The following VPS13B variants were observed in gnomAD, a reference collection of about 807,000 sequenced individuals.
VPS13B encodes the protein intermembrane lipid transfer protein VPS13B.
In VPS13B, 285 loss-of-function variants were observed where a neutral mutation model predicts 426.4. The ratio of observed to expected loss-of-function variants is 0.67; its 90% CI spans 0.61 to 0.74. The LOEUF is 0.74. VPS13B is among the 30% of genes least tolerant of loss of function. The pLI is 0.00. For missense variants in VPS13B, 4,537 were observed against 4,782.6 expected (o/e 0.95, Z 1.51); for synonymous variants, 1,676 against 1,676.4 (o/e 1.00, Z 0.01).
At chr8:99,085,344 T>C (rs550298229) in intron 3 of VPS13B, among the ~76,000 whole-genome samples, 2 of 152,332 alleles carry the variant, frequency 1.3e-5, no homozygotes, top group East Asian at 3.9e-4. Context: ...AGCCTATGTG[T>C]GTCTCTGCAC....
intron 19 of VPS13B, among the ~76,000 whole-genome samples, chr8:99,355,417 C>T (rs1812129766): frequency 6.6e-6 from 1 of 152,078 alleles, no homozygotes; most frequent in African/African-American, 2.4e-5. Context: ...ATGGTGAAAC[C>T]CCGTCTCTAC....
chr8:99,870,745 G>GAAA, intron 59 of VPS13B, 40 bp from the exon 60 acceptor site: 1 of 1,596,552 alleles, frequency 6.3e-7, no homozygotes, highest in African/African-American at 1.3e-5. Context: ...CTGTTTTCCA[G>GAAA]AAAACAAGTA....
intron 21 of VPS13B, among the ~76,000 whole-genome samples, chr8:99,395,443 T>C (rs919253754): frequency 6.6e-6 from 1 of 152,176 alleles, no homozygotes; most frequent in Admixed American, 6.6e-5. Flanking sequence ...CTGTCCATCA[T>C]ATATAATTCT....
chr8:99,584,729 A>G (rs1826224951), intron 33 of VPS13B, among the ~76,000 whole-genome samples: 1 of 152,240 alleles, frequency 6.6e-6, no homozygotes, highest in Non-Finnish European at 1.5e-5. Flanking sequence ...TCAATGATCT[A>G]GCTTCATGGA....
At chr8:99,122,372 G>T (rs1375736495) in intron 8 of VPS13B, among the ~76,000 whole-genome samples, 1 of 151,894 alleles carries the variant, frequency 6.6e-6, no homozygotes, top group East Asian at 1.9e-4. Context: ...ACAAATATGT[G>T]TATGTCTAGG....
intron 58 of VPS13B, 180 bp from the exon 59 acceptor site, chr8:99,868,109 T>C: frequency 2.9e-6 from 2 of 698,002 alleles, no homozygotes; most frequent in Non-Finnish European, 4.8e-6. Flanking sequence ...TTGATGACGA[T>C]AATAAATGTC....
chr8:99,128,184 T>C (rs1809534071), intron 8 of VPS13B, among the ~76,000 whole-genome samples: 1 of 151,082 alleles, frequency 6.6e-6, no homozygotes, highest in Non-Finnish European at 1.5e-5. Context: ...AGGTCAGGAG[T>C]TCGAGACCAG....
At chr8:99,574,716 T>C (rs1825683229) in intron 31 of VPS13B, among the ~76,000 whole-genome samples, 1 of 152,228 alleles carries the variant, frequency 6.6e-6, no homozygotes. Flanking sequence ...TGGTGTCAAC[T>C]TGCCCTCCAG....
intron 8 of VPS13B, among the ~76,000 whole-genome samples, chr8:99,126,725 G>A (rs1401914568): frequency 1.3e-5 from 2 of 152,202 alleles, no homozygotes; most frequent in Non-Finnish European, 2.9e-5. Context: ...GAACAATGCT[G>A]ATGTAAATGT....
rs747097247 is a variant in VPS13B at position 99,326,452 on chromosome 8, CTTTTTTTTTTTTTT to C, written c.2824+51215_2824+51228del. 1.6e-3 allele frequency among the ~76,000 whole-genome samples: 51 copies of C among 32,526 alleles called. 1 individual carries two copies. The highest frequency in any genetic ancestry group is 5.2e-3 in the African/African-American group (40 of 7,748). The allele number at this position is 32,526 out of a possible 152,430, so 21.3% of individuals were successfully genotyped here. A position where few individuals can be genotyped will look rare whatever the true frequency, so the allele number is the denominator to read the frequency against. Reference sequence around the variant, plus strand: ...ATTTCTATCTATCATCTCTAGGTAGCTTTTTTTTTTTTTTTTTTTTTTTTTTTTTTGAGACAGAA... The same window carrying C: ...ATTTCTATCTATCATCTCTAGGTAGCTTTTTTTTTTTTTTTTGAGACAGAA... On this transcript the variant is annotated intron_variant, in intron 19 of 61. Transcript: ENST00000357162.
intron 51 of VPS13B, among the ~76,000 whole-genome samples, chr8:99,826,047 A>C (rs1458862396): frequency 6.6e-6 from 1 of 152,156 alleles, no homozygotes; most frequent in Non-Finnish European, 1.5e-5. Flanking sequence ...TGTCTTGGCT[A>C]TGCATGCTCT....
intron 58 of VPS13B, among the ~76,000 whole-genome samples, chr8:99,864,230 G>A (rs1267986860): frequency 2.0e-5 from 3 of 152,208 alleles, no homozygotes; most frequent in African/African-American, 7.2e-5. Context: ...GTGCCTAATT[G>A]AAGTTAGAGC....
chr8:99,112,950 ATG>A (rs1400577598), intron 6 of VPS13B, among the ~76,000 whole-genome samples: 1 of 152,096 alleles, frequency 6.6e-6, no homozygotes, highest in Non-Finnish European at 1.5e-5. Flanking sequence ...TGTGATATCA[ATG>A]TGTTATACTC....
At chr8:99,376,706 A>G (rs1474336260) in intron 19 of VPS13B, among the ~76,000 whole-genome samples, 2 of 152,170 alleles carry the variant, frequency 1.3e-5, no homozygotes, top group Non-Finnish European at 2.9e-5. Flanking sequence ...TTCTGTAACA[A>G]TTTGTACAAT....
chr8:99,038,835 C>T lies in VPS13B; in HGVS notation c.291+269C>T, dbSNP rs1004688193. Among the ~76,000 whole-genome samples the T allele has an allele frequency of 5.9e-5, 9 of 151,392 alleles. No individual in the cohort carries two copies. The East Asian group carries it at 7.7e-4, about 13-fold the overall frequency. On this transcript the variant is annotated intron_variant, in intron 3 of 61. Coordinates refer to ENST00000357162, the MANE Select transcript of VPS13B (RefSeq NM_152564.5). ...CTGAGTAGCTGGGACTACAGGTGTGCGCCACCACGCCCAGCTAATTTTTAT... is the reference window on the plus strand; with the variant it reads ...CTGAGTAGCTGGGACTACAGGTGTGTGCCACCACGCCCAGCTAATTTTTAT...
At chr8:99,577,447 G>A (rs1588512023) in intron 32 of VPS13B, 43 bp from the exon 33 acceptor site, 1 of 1,610,896 alleles carries the variant, frequency 6.2e-7, no homozygotes, top group Admixed American at 1.7e-5. Flanking sequence ...TCATCTGAAA[G>A]CTATCATGTT....
chr8:99,038,406 A>C lies in VPS13B; in HGVS notation c.148-17A>C. 6.3e-7 allele frequency: 1 copy of C among 1,584,698 alleles called. No individual in the cohort carries two copies. The highest frequency in any genetic ancestry group is 1.2e-5 in the South Asian group (1 of 85,972). ...TTAAGCACTTACTAATTTTTATGTA[A>C]TGTTTTGTGTTTTAAGGAACTGAAA... On this transcript the variant is annotated splice_polypyrimidine_tract_variant and intron_variant, in intron 2 of 61. Transcript: ENST00000357162.
chr8:99,651,726 A>G (rs1330676767), intron 34 of VPS13B, among the ~76,000 whole-genome samples: 1 of 152,254 alleles, frequency 6.6e-6, no homozygotes, highest in African/African-American at 2.4e-5. Flanking sequence ...AAATTGCCTC[A>G]TGTCTTGACT....
intron 25 of VPS13B, among the ~76,000 whole-genome samples, chr8:99,491,153 C>A (rs1351770087): frequency 1.3e-5 from 2 of 152,140 alleles, no homozygotes; most frequent in Non-Finnish European, 2.9e-5. Flanking sequence ...GCCTTCATTT[C>A]GTTATTTACC....
Sources: gnomAD v4.1 joint callset for allele counts (sites outside exome capture counted in the v4.1 genomes callset) on GRCh38, gnomAD v4.1.1 for gene constraint, MANE v1.5 for transcripts, NCBI Gene and HGNC (gene_info 2026-07-23, HGNC 2026-07-21) for gene names.